The following MT1G variants were observed in gnomAD, a reference collection of about 807,000 sequenced individuals.
MT1G encodes metallothionein-1G.
A neutral mutation model predicts 9.1 loss-of-function variants in MT1G; 8 were observed. The observed-to-expected ratio is 0.87, with a 90% CI of 0.51 to 1.58. MT1G has a LOEUF of 1.58. Among genes scored for constraint, MT1G ranks in the 40% most tolerant of loss-of-function variants. The pLI is 0.00. For missense variants in MT1G, 79 were observed against 77.3 expected, an observed-to-expected ratio of 1.02 and a Z score of -0.08; for synonymous variants, 31 against 28.4, an observed-to-expected ratio of 1.09 and a Z score of -0.29.
At chr16:56,667,473 C>T in intron 1 of MT1G, 93 bp from the exon 2 acceptor site, 1 of 1,544,838 alleles carries the variant, frequency 6.5e-7, no homozygotes, top group South Asian at 1.2e-5. Context: ...CTGTGCAGAG[C>T]CAGCCCTCAG....
Position 56,668,059 on chromosome 16 carries a change from G to T in MT1G, c.-66C>A. On this transcript the variant is annotated 5_prime_UTR_variant, in exon 1 of 3. Coordinates refer to ENST00000379811, the MANE Select transcript of MT1G (RefSeq NM_001301267.2). ...AAGAGGCAGTGGGTGCACGTGGAAG[G>T]CGGAGTGGAGCCCAACAGCCAGCGG... 6.4e-7 allele frequency: 1 copy of T among 1,553,158 alleles called. No individual in the cohort carries two copies. Among genetic ancestry groups the T allele is most frequent in the Non-Finnish European group, 8.9e-7 (1 of 1,125,638 alleles).
intron 1 of MT1G, 117 bp downstream of exon 1, chr16:56,667,849 A>G: frequency 8.3e-7 from 1 of 1,211,524 alleles, no homozygotes; most frequent in Non-Finnish European, 1.2e-6. Flanking sequence ...GCACTGGACC[A>G]ATAAAGGAGT....
intron 1 of MT1G, 44 bp from the exon 2 acceptor site, chr16:56,667,424 G>T (rs754484258): frequency 2.7e-5 from 43 of 1,613,076 alleles, no homozygotes; most frequent in Admixed American, 5.0e-5. Flanking sequence ...GATGCAGAAG[G>T]TACAGCAGTG....
At chr16:56,667,127 C>A in intron 2 of MT1G, 157 bp from the exon 3 acceptor site, 1 of 1,551,968 alleles carries the variant, frequency 6.4e-7, no homozygotes, top group Non-Finnish European at 8.8e-7. Flanking sequence ...TGGAATGGGT[C>A]TTCCTTTGAG....
chr16:56,667,175 G>T, intron 2 of MT1G, 137 bp downstream of exon 2: 1 of 1,566,882 alleles, frequency 6.4e-7, no homozygotes, highest in Non-Finnish European at 8.7e-7. Flanking sequence ...GGAAAGTGCA[G>T]AAGACTAGAC....
rs1306804731 is a variant in MT1G, at chr16:56,667,318, T to C, written c.91A>G (p.Lys31Glu). Residue 31 changes from lysine to glutamate, a missense_variant, in exon 2 of 3, where the codon AAG (lysine) becomes GAG (glutamate). Transcript: ENST00000379811. ...KCKECKCTSC[K>E]KSCCSCCPVG... The stretch of plus-strand genomic sequence containing the variant: ...GAGATGGCCCCGCACTCACTCTTCT[T>C]GCAGGAGGTGCATTTGCACTCTTTG... 1.9e-6 allele frequency: 3 copies of C among 1,614,240 alleles called. No homozygotes were observed. Among genetic ancestry groups the C allele is most frequent in the East Asian group, 4.5e-5 (2 of 44,892 alleles).
chr16:56,667,990 C>G lies in MT1G; in HGVS notation c.4G>C (p.Asp2His), dbSNP rs776196197. MDPNCSCAAAGV... is the reference protein window; with the variant it reads MHPNCSCAAAGV... Reference sequence around the variant, plus strand: ...CCAGCGGCACAGGAGCAGTTGGGGTCCATTGCAACCCGAGGCGAGACTAGA... The same window carrying G: ...CCAGCGGCACAGGAGCAGTTGGGGTGCATTGCAACCCGAGGCGAGACTAGA... The change falls in exon 1 of 3, where the codon GAC becomes CAC. Residue 2 changes from aspartate to histidine, a missense_variant. Asp to His is a moderately conservative substitution (Grantham distance 81). Coordinates refer to ENST00000379811, the MANE Select transcript of MT1G (RefSeq NM_001301267.2). 1 of 1,613,902 alleles carries G rather than the reference C, an allele frequency of 6.2e-7. No individual in the cohort carries two copies. Among genetic ancestry groups the G allele is most frequent in the Non-Finnish European group, 8.5e-7 (1 of 1,179,910 alleles).
At chr16:56,667,237 C>A in intron 2 of MT1G, 75 bp downstream of exon 2, 1 of 1,612,744 alleles carries the variant, frequency 6.2e-7, no homozygotes, top group South Asian at 1.1e-5. Context: ...CAGAAGCACG[C>A]ACTCAGGGAC....
Position 56,667,913 on chromosome 16 carries a change from T to C in MT1G, c.28+53A>G, listed in dbSNP as rs558477172. On this transcript the variant is annotated intron_variant, in intron 1 of 2. Coordinates refer to ENST00000379811, the MANE Select transcript of MT1G (RefSeq NM_001301267.2). ...CCTCCTCAAACCCAGGGACACTCTCTATGGTGTCTGGGAATTTGGCATCCC... is the reference window on the plus strand; with the variant it reads ...CCTCCTCAAACCCAGGGACACTCTCCATGGTGTCTGGGAATTTGGCATCCC... The C allele has an allele frequency of 3.7e-6, 6 of 1,605,620 alleles. No individual in the cohort carries two copies. The East Asian group carries it at 6.7e-5, about 18-fold the overall frequency.
At chr16:56,667,430 C>CAGTG (rs768788210) in intron 1 of MT1G, 50 bp from the exon 2 acceptor site, 1 of 1,612,460 alleles carries the variant, frequency 6.2e-7, no homozygotes, top group Non-Finnish European at 8.5e-7. Flanking sequence ...GAAGGTACAG[C>CAGTG]AGTGGGTCAA....
chr16:56,667,322 G>A lies in MT1G; in HGVS notation c.87C>T (p.Ser29=). 6.2e-7 allele frequency: 1 copy of A among 1,614,266 alleles called. No homozygotes were observed. The highest frequency in any genetic ancestry group is 8.5e-7 in the Non-Finnish European group (1 of 1,180,048). Residue 29 remains serine, a synonymous_variant, in exon 2 of 3, where the codon TCC becomes TCT. Coordinates refer to ENST00000379811, the MANE Select transcript of MT1G (RefSeq NM_001301267.2). ...TGGCCCCGCACTCACTCTTCTTGCA[G>A]GAGGTGCATTTGCACTCTTTGCACT... ...SCKCKECKCT[S]CKKSCCSCCP... is the part of the protein sequence containing the mutation.
Position 56,667,947 on chromosome 16 carries a change from G to C in MT1G, c.28+19C>G. The C allele has an allele frequency of 6.2e-7, 1 of 1,613,854 alleles. No homozygotes were observed. Among genetic ancestry groups the C allele is most frequent in the Non-Finnish European group, 8.5e-7 (1 of 1,179,818 alleles). On this transcript the variant is annotated intron_variant, in intron 1 of 2. Transcript: ENST00000379811. ...TGGGAATTTGGCATCCCAAGGCACA[G>C]AACCCGGGCGTCCCTTACCAGCGGC...
chr16:56,667,384 G>C lies in MT1G; in HGVS notation c.29-4C>G. 7 of 1,614,138 alleles carry C rather than the reference G, an allele frequency of 4.3e-6. No homozygotes were observed. Among genetic ancestry groups the C allele is most frequent in the Non-Finnish European group, 5.9e-6 (7 of 1,179,996 alleles). On this transcript the variant is annotated splice_polypyrimidine_tract_variant and splice_region_variant and intron_variant, in intron 1 of 2. Coordinates refer to ENST00000379811, the MANE Select transcript of MT1G (RefSeq NM_001301267.2). ...GCGCAGGTGCAGGAGACACCTGCTA[G>C]AAGAGAAAAAGCCAGTGAACGGTGA...
intron 1 of MT1G, 89 bp from the exon 2 acceptor site, chr16:56,667,469 A>G (rs1960801434): frequency 6.4e-7 from 1 of 1,560,020 alleles, no homozygotes; most frequent in Admixed American, 1.8e-5. Context: ...TTCTCTGTGC[A>G]GAGCCAGCCC....
chr16:56,667,270 T>G, intron 2 of MT1G, 42 bp downstream of exon 2: 2 of 1,614,190 alleles, frequency 1.2e-6, no homozygotes, highest in Non-Finnish European at 1.7e-6. Context: ...CCTCCCAACC[T>G]TAGCCACAGC....
chr16:56,666,897 C>G lies in MT1G; in HGVS notation c.171G>C (p.Lys57Asn), dbSNP rs1446049973. Residue 57 changes from lysine to asparagine, a missense_variant, in exon 3 of 3, where the codon AAG (lysine) becomes AAC (asparagine). Lys to Asn is a moderately conservative substitution (Grantham distance 94). Coordinates refer to ENST00000379811, the MANE Select transcript of MT1G (RefSeq NM_001301267.2). ...QGCICKGASE[K>N]CSCCA Reference sequence around the variant, plus strand: ...CCCGACATCAGGCGCAGCAGCTGCACTTCTCCGATGCCCCTTTGCAGATGC... The same window carrying G: ...CCCGACATCAGGCGCAGCAGCTGCAGTTCTCCGATGCCCCTTTGCAGATGC... 1.5e-5 allele frequency: 24 copies of G among 1,614,148 alleles called. No individual in the cohort carries two copies. In the Admixed American group the frequency reaches 3.2e-4, roughly 21 times the overall value.
chr16:56,667,996 C>A lies in MT1G; in HGVS notation c.-3G>T. 1 of 1,613,874 alleles carries A rather than the reference C, an allele frequency of 6.2e-7. No homozygotes were observed. Among genetic ancestry groups the A allele is most frequent in the Non-Finnish European group, 8.5e-7 (1 of 1,179,822 alleles). ...GCACAGGAGCAGTTGGGGTCCATTG[C>A]AACCCGAGGCGAGACTAGAGTTCCC... is the stretch of plus-strand genomic sequence containing the variant. On this transcript the variant is annotated 5_prime_UTR_variant, in exon 1 of 3. Transcript: ENST00000379811.
intron 1 of MT1G, 140 bp downstream of exon 1, chr16:56,667,826 G>T: frequency 9.9e-7 from 1 of 1,013,908 alleles, no homozygotes; most frequent in Non-Finnish European, 1.5e-6. Context: ...TCAGGAGCTT[G>T]GCCAACAGGA....
intron 1 of MT1G, 140 bp from the exon 2 acceptor site, chr16:56,667,520 C>T (rs1432925980): frequency 1.6e-6 from 2 of 1,219,670 alleles, no homozygotes; most frequent in African/African-American, 1.5e-5. Context: ...AAGAGAAGCC[C>T]CATGTCCTCT....
Sources: allele counts gnomAD v4.1 joint callset, GRCh38; gene constraint gnomAD v4.1.1; transcripts MANE v1.5; gene names NCBI Gene and HGNC (gene_info 2026-07-23, HGNC 2026-07-21).